RPH3AL: variants seen among roughly 807,000 people sequenced by gnomAD.
The protein encoded by RPH3AL is rabphilin 3A like (without C2 domains), also known as rab effector Noc2.
A neutral mutation model predicts 43.1 loss-of-function variants in RPH3AL; 38 were observed. The ratio of observed to expected loss-of-function variants is 0.88; its 90% CI spans 0.68 to 1.15. RPH3AL has a LOEUF of 1.15. Ranked by LOEUF, RPH3AL falls within the 50% of genes most tolerant of loss-of-function variation. The pLI is 0.00. For missense variants in RPH3AL, 462 were observed against 423.2 expected (o/e 1.09, Z -0.81); for synonymous variants, 189 against 176.3 (o/e 1.07, Z -0.57).
chr17:337,743 G>T (rs535888210), intron 1 of RPH3AL, among the ~76,000 whole-genome samples: 6 of 152,294 alleles, frequency 3.9e-5, no homozygotes, highest in African/African-American at 1.4e-4. Flanking sequence ...GTGCCCAGCC[G>T]CTCAGTCTCG....
intron 6 of RPH3AL, among the ~76,000 whole-genome samples, chr17:261,180 C>T (rs1158640454): frequency 6.6e-6 from 1 of 152,194 alleles, no homozygotes; most frequent in Non-Finnish European, 1.5e-5. Context: ...AGCACAGGCT[C>T]CTCGAGGGTG....
chr17:212,639 A>G lies in RPH3AL; in HGVS notation c.*1213T>C, dbSNP rs1431547238. The G allele has an allele frequency of 6.6e-6, 1 of 152,140 alleles. No individual in the cohort carries two copies. The highest frequency in any genetic ancestry group is 2.4e-5 in the African/African-American group (1 of 41,438). The allele number at this position is 152,140 out of a possible 1,614,324, so 9.4% of individuals were successfully genotyped here. A position where few individuals can be genotyped will look rare whatever the true frequency, so the allele number is the denominator to read the frequency against. ...CCCAGCTTGGAGAGAAGGCCCTTCCAGACCCAGGAACCCGGGGTTTGGGGC... is the reference window on the plus strand; with the variant it reads ...CCCAGCTTGGAGAGAAGGCCCTTCCGGACCCAGGAACCCGGGGTTTGGGGC... On this transcript the variant is annotated 3_prime_UTR_variant, in exon 10 of 10. Coordinates refer to ENST00000331302, the MANE Select transcript of RPH3AL (RefSeq NM_006987.4).
chr17:303,113 T>A (rs914745921), intron 5 of RPH3AL, among the ~76,000 whole-genome samples: 1 of 152,192 alleles, frequency 6.6e-6, no homozygotes, highest in Non-Finnish European at 1.5e-5. Flanking sequence ...ACAACGTAAC[T>A]GTATCGTTAA....
At chr17:317,912 C>T (rs567798629) in intron 5 of RPH3AL, among the ~76,000 whole-genome samples, 1 of 149,512 alleles carries the variant, frequency 6.7e-6, no homozygotes, top group African/African-American at 2.5e-5. Flanking sequence ...CCCCACCCCA[C>T]CCCACCCCAT....
intron 6 of RPH3AL, among the ~76,000 whole-genome samples, chr17:265,470 T>A (rs1279340336): frequency 6.6e-6 from 1 of 152,222 alleles, no homozygotes; most frequent in Non-Finnish European, 1.5e-5. Flanking sequence ...CATACACATA[T>A]CCACCTAAGA....
chr17:227,673 G>C (rs1185111483), intron 7 of RPH3AL, among the ~76,000 whole-genome samples: 1 of 152,156 alleles, frequency 6.6e-6, no homozygotes, highest in Non-Finnish European at 1.5e-5. Context: ...GTGGGGAGAT[G>C]CTCCCACTGG....
chr17:329,171 T>A (rs4570932), intron 2 of RPH3AL, among the ~76,000 whole-genome samples: 10,153 of 151,192 alleles, frequency 0.067, 428 homozygotes, highest in Middle Eastern at 0.12. Context: ...AAAAAAAAAA[T>A]GAATTATAAC....
At chr17:324,330 T>G (rs7224337) in intron 3 of RPH3AL, among the ~76,000 whole-genome samples, 1 of 151,998 alleles carries the variant, frequency 6.6e-6, no homozygotes, top group South Asian at 2.1e-4. Context: ...TCATCTCACC[T>G]GCTGCCAGGC....
At chr17:286,811 C>T (rs1002511444) in intron 5 of RPH3AL, among the ~76,000 whole-genome samples, 5 of 152,174 alleles carry the variant, frequency 3.3e-5, no homozygotes, top group South Asian at 2.1e-4. Context: ...CTGCCTCATG[C>T]ACCCTGCAGC....
intron 3 of RPH3AL, among the ~76,000 whole-genome samples, chr17:326,913 G>A (rs1057384687): frequency 2.2e-4 from 34 of 152,240 alleles, no homozygotes; most frequent in Admixed American, 1.6e-3. Flanking sequence ...AGGAACTAGC[G>A]AGATTCTCAG....
intron 5 of RPH3AL, among the ~76,000 whole-genome samples, chr17:317,218 G>T (rs1282833123): frequency 1.4e-5 from 2 of 139,750 alleles, no homozygotes; most frequent in East Asian, 4.4e-4. Flanking sequence ...CACCTCCATT[G>T]ACCTGCAGTG....
chr17:290,377 G>T lies in RPH3AL; in HGVS notation c.352-8523C>A, dbSNP rs1448478742. On this transcript the variant is annotated intron_variant, in intron 5 of 9. Coordinates refer to ENST00000331302, the MANE Select transcript of RPH3AL (RefSeq NM_006987.4). This position sits in a 1 kb window ranked among gnomAD's most constrained non-coding sequence, Gnocchi z 4.2. ...CCGGCCACAGGGGAAATGACTCCGG[G>T]AATCCTTCACTGAGGGTGGGAAGCG... Among the ~76,000 whole-genome samples the T allele has an allele frequency of 6.6e-6, 1 of 151,830 alleles. No individual in the cohort carries two copies. The highest frequency in any genetic ancestry group is 1.5e-5 in the Non-Finnish European group (1 of 67,964).
At chr17:315,461 A>C in intron 5 of RPH3AL, among the ~76,000 whole-genome samples, 1 of 147,178 alleles carries the variant, frequency 6.8e-6, no homozygotes, top group East Asian at 2.1e-4. Flanking sequence ...ATTGACCTGT[A>C]GTCCCTGTGC....
Position 264,745 on chromosome 17 carries a change from C to G in RPH3AL, c.438+17023G>C, listed in dbSNP as rs79099586. ...GTGACCGGTATCAGCAAAAATGGAA[C>G]ACAGAATGCAGCCATTCTTCCCCAA... On this transcript the variant is annotated intron_variant, in intron 6 of 9. Transcript: ENST00000331302. This position sits in a 1 kb window ranked among gnomAD's most constrained non-coding sequence, Gnocchi z 4.8. 6.6e-6 allele frequency among the ~76,000 whole-genome samples: 1 copy of G among 152,288 alleles called. No individual in the cohort carries two copies. The highest frequency in any genetic ancestry group is 1.9e-4 in the East Asian group (1 of 5,172).
At chr17:316,991 TGAC>T (rs2044261650) in intron 5 of RPH3AL, among the ~76,000 whole-genome samples, 2 of 146,418 alleles carry the variant, frequency 1.4e-5, no homozygotes, top group East Asian at 2.1e-4. Flanking sequence ...GTAGTCCCTG[TGAC>T]CCCACCTCCA....
chr17:294,294 T>C (rs1485027615), intron 5 of RPH3AL, among the ~76,000 whole-genome samples: 1 of 19,676 alleles, frequency 5.1e-5, no homozygotes, highest in Non-Finnish European at 1.4e-4. Flanking sequence ...AGACCCCGTC[T>C]CTACAAAAAA....
At position 274,193 on chromosome 17, in the gene RPH3AL, C is replaced by T. The variant is rs1239953929; in HGVS notation, c.438+7575G>A. On this transcript the variant is annotated intron_variant, in intron 6 of 9. Coordinates refer to ENST00000331302, the MANE Select transcript of RPH3AL (RefSeq NM_006987.4). The surrounding 1 kb of genome is among the most constrained non-coding windows in gnomAD (Gnocchi z 4.7). Reference sequence around the variant, plus strand: ...CCGTTCCTCCCAGCCCCAACTAACGCACCCATGAAAGCACGTGGAAAAGGC... The same window carrying T: ...CCGTTCCTCCCAGCCCCAACTAACGTACCCATGAAAGCACGTGGAAAAGGC... 2.0e-5 allele frequency among the ~76,000 whole-genome samples: 3 copies of T among 152,268 alleles called. No individual in the cohort carries two copies. The highest frequency in any genetic ancestry group is 4.4e-5 in the Non-Finnish European group (3 of 68,044).
intron 1 of RPH3AL, among the ~76,000 whole-genome samples, chr17:352,360 C>G (rs1039101133): frequency 6.6e-6 from 1 of 152,212 alleles, no homozygotes; most frequent in African/African-American, 2.4e-5. Context: ...CCATCTCTGT[C>G]CACTGGGGTG....
intron 2 of RPH3AL, among the ~76,000 whole-genome samples, chr17:330,611 C>G (rs1396070268): frequency 3.3e-5 from 5 of 152,220 alleles, no homozygotes; most frequent in African/African-American, 1.2e-4. Context: ...CGGGGTGGCT[C>G]ACGCCTGTAA....
Sources: allele counts gnomAD v4.1 joint callset (sites outside exome capture counted in the v4.1 genomes callset), GRCh38; gene constraint gnomAD v4.1.1; non-coding constraint Gnocchi (gnomAD v3.1); transcripts MANE v1.5; gene names NCBI Gene and HGNC (gene_info 2026-07-23, HGNC 2026-07-21).